Variants in PACC1 observed in about 807,000 individuals in gnomAD.
PACC1 encodes the protein proton-activated chloride channel.
A neutral mutation model predicts 39.7 loss-of-function variants in PACC1; 34 were observed. The observed-to-expected ratio is 0.86, with a 90% confidence interval of 0.65 to 1.14. The LOEUF (loss-of-function observed/expected upper bound fraction) is 1.14, where lower values mean the gene tolerates loss of function less well. Ranked by LOEUF, PACC1 falls within the 50% of genes most tolerant of loss-of-function variation. The pLI is 0.00. For synonymous variants in PACC1, 127 were observed against 160.6 expected (o/e 0.79, Z 1.58); for missense variants, 379 against 436.4 (o/e 0.87, Z 1.17).
intron 2 of PACC1, among the ~76,000 whole-genome samples, chr1:212,397,645 G>C (rs1172089191): frequency 6.6e-6 from 1 of 152,184 alleles, no homozygotes; most frequent in Non-Finnish European, 1.5e-5. Context: ...ATGGAGGACT[G>C]ATGGTCTCTA....
chr1:212,372,629 T>TA (rs1465102695), intron 7 of PACC1, among the ~76,000 whole-genome samples: 4 of 152,148 alleles, frequency 2.6e-5, no homozygotes, highest in African/African-American at 4.8e-5. Flanking sequence ...GTAGACCTGA[T>TA]AAATTCAGTA....
intron 2 of PACC1, among the ~76,000 whole-genome samples, chr1:212,398,106 C>T (rs1571669220): frequency 6.6e-6 from 1 of 152,168 alleles, no homozygotes; most frequent in Non-Finnish European, 1.5e-5. Context: ...GTAACAATTA[C>T]TGGTACCAAA....
At position 212,377,588 on chromosome 1, in the gene PACC1, G is replaced by C; in HGVS notation, c.757C>G (p.Arg253Gly). 5 of 1,614,108 alleles carry C rather than the reference G, an allele frequency of 3.1e-6. No individual in the cohort carries two copies. Among genetic ancestry groups the C allele is most frequent in the Non-Finnish European group, 4.2e-6 (5 of 1,179,980 alleles). Residue 253 changes from arginine (R) to glycine (G), a missense_variant, in exon 6 of 8, where the codon CGG becomes GGG. Coordinates refer to ENST00000261455, the MANE Select transcript of PACC1 (RefSeq NM_018252.3). ...TCCTGCCGGAACTCCACTGCTTCCC[G>C]CCCATCCTCCTCCTTGGTCTTTACC... ...SLVKTKEEDG[R>G]EAVEFRQETS...
chr1:212,389,854 G>T (rs945456025), intron 2 of PACC1, among the ~76,000 whole-genome samples: 1 of 152,006 alleles, frequency 6.6e-6, no homozygotes, highest in Non-Finnish European at 1.5e-5. Context: ...TTTACATTAC[G>T]TGTATCTAAC....
At chr1:212,390,380 G>A (rs888261252) in intron 2 of PACC1, among the ~76,000 whole-genome samples, 5 of 146,042 alleles carry the variant, frequency 3.4e-5, no homozygotes, top group Non-Finnish European at 5.9e-5. Context: ...TTGAGATCAC[G>A]CCATTGCACT....
chr1:212,377,419 T>C (rs1660704477), intron 6 of PACC1, 143 bp downstream of exon 6: 4 of 1,115,066 alleles, frequency 3.6e-6, no homozygotes, highest in Admixed American at 2.3e-5. Flanking sequence ...AAGCCCTCCA[T>C]GGGAGTCCCT....
chr1:212,383,531 C>A (rs915584692), intron 4 of PACC1, among the ~76,000 whole-genome samples: 1 of 152,196 alleles, frequency 6.6e-6, no homozygotes, highest in African/African-American at 2.4e-5. Context: ...TAATTAGCTT[C>A]TACTTCCCTA....
intron 7 of PACC1, among the ~76,000 whole-genome samples, chr1:212,373,041 T>C (rs1041102985): frequency 2.0e-5 from 3 of 152,132 alleles, no homozygotes; most frequent in African/African-American, 7.2e-5. Flanking sequence ...AAACCCCAGA[T>C]AGCCAAACCA....
Position 212,385,280 on chromosome 1 carries a change from CTGAT to C in PACC1, c.485_488del (p.Asn162ArgfsTer3). The C allele has an allele frequency of 6.2e-7, 1 of 1,613,988 alleles. No individual in the cohort carries two copies. The highest frequency in any genetic ancestry group is 8.5e-7 in the Non-Finnish European group (1 of 1,180,006). On this transcript the variant is annotated frameshift_variant, in exon 4 of 8. Coordinates refer to ENST00000261455, the MANE Select transcript of PACC1 (RefSeq NM_018252.3). LOFTEE classifies it high-confidence loss of function. ...TCAGGCAGACAGGAATTACCACAGTCTGATTGGAGAAGGGGTCCGTGTAGTTGAT... is the reference window on the plus strand; with the variant it reads ...TCAGGCAGACAGGAATTACCACAGTCTGGAGAAGGGGTCCGTGTAGTTGAT...
Position 212,379,892 on chromosome 1 carries a change from C to A in PACC1, c.638+3G>T. On this transcript the variant is annotated splice_donor_region_variant and intron_variant, in intron 5 of 7. Coordinates refer to ENST00000261455, the MANE Select transcript of PACC1 (RefSeq NM_018252.3). Reference sequence around the variant, plus strand: ...AAGCCCACTGTGAACTCTAAAAGCCCACCTTTGCAGGAACTCCTGGAAAGA... The same window carrying A: ...AAGCCCACTGTGAACTCTAAAAGCCAACCTTTGCAGGAACTCCTGGAAAGA... 2 of 1,614,074 alleles carry A rather than the reference C, an allele frequency of 1.2e-6. No homozygotes were observed. The highest frequency in any genetic ancestry group is 1.7e-6 in the Non-Finnish European group (2 of 1,179,996).
intron 6 of PACC1, among the ~76,000 whole-genome samples, chr1:212,377,127 G>A (rs1031586845): frequency 1.3e-5 from 2 of 152,108 alleles, no homozygotes; most frequent in Admixed American, 6.5e-5. Flanking sequence ...GGCATCTCTC[G>A]CTGTGACACC....
intron 4 of PACC1, 34 bp downstream of exon 4, chr1:212,385,240 C>A: frequency 6.2e-7 from 1 of 1,612,786 alleles, no homozygotes; most frequent in African/African-American, 1.3e-5. Flanking sequence ...AACAGAGCAG[C>A]TGCCCAGACC....
intron 2 of PACC1, among the ~76,000 whole-genome samples, chr1:212,402,125 G>T (rs567529750): frequency 1.3e-5 from 2 of 152,180 alleles, no homozygotes; most frequent in Non-Finnish European, 2.9e-5. Flanking sequence ...CACATTTTTT[G>T]GAGATGTAAG....
intron 2 of PACC1, among the ~76,000 whole-genome samples, chr1:212,409,698 G>A (rs531027538): frequency 6.6e-6 from 1 of 152,232 alleles, no homozygotes; most frequent in East Asian, 1.9e-4. Context: ...ACTATGACAT[G>A]GGCAGTTGGA....
At position 212,381,894 on chromosome 1, in the gene PACC1, AC is replaced by A. The variant is rs1194645817; in HGVS notation, c.496-1858del. On this transcript the variant is annotated intron_variant, in intron 4 of 7. Coordinates refer to ENST00000261455, the MANE Select transcript of PACC1 (RefSeq NM_018252.3). The stretch of plus-strand genomic sequence containing the variant: ...ATGAGGCAGTACTGCCCACTACGCC[AC>A]ACGGCCTGCATGCCAGGACTGTTCT... Among the ~76,000 whole-genome samples the A allele has an allele frequency of 2.6e-5, 4 of 152,352 alleles. No individual in the cohort carries two copies. The South Asian group carries it at 8.3e-4, about 32-fold the overall frequency.
intron 2 of PACC1, among the ~76,000 whole-genome samples, chr1:212,407,799 G>A (rs1298158536): frequency 6.6e-6 from 1 of 152,176 alleles, no homozygotes; most frequent in African/African-American, 2.4e-5. Context: ...TGTAGGCCAG[G>A]TGCGGTGGCC....
intron 4 of PACC1, among the ~76,000 whole-genome samples, chr1:212,383,692 TAA>T: frequency 6.6e-6 from 1 of 152,316 alleles, no homozygotes; most frequent in Middle Eastern, 3.4e-3. Context: ...TCCAAAGTAG[TAA>T]ATTTCTGTTT....
intron 2 of PACC1, among the ~76,000 whole-genome samples, chr1:212,404,596 C>A (rs963837643): frequency 1.3e-5 from 2 of 152,008 alleles, no homozygotes; most frequent in Non-Finnish European, 2.9e-5. Flanking sequence ...CATCTCTATA[C>A]AGTTGCTCAT....
At chr1:212,381,852 C>T (rs1373495340) in intron 4 of PACC1, among the ~76,000 whole-genome samples, 3 of 151,976 alleles carry the variant, frequency 2.0e-5, no homozygotes, top group Admixed American at 6.6e-5. Flanking sequence ...AGACAAAAGT[C>T]ATGGCTGGAC....
Sources: gnomAD v4.1 joint callset for allele counts (sites outside exome capture counted in the v4.1 genomes callset) on GRCh38, gnomAD v4.1.1 for gene constraint, MANE v1.5 for transcripts, NCBI Gene and HGNC (gene_info 2026-07-23, HGNC 2026-07-21) for gene names.